Variants in CLTCL1 observed in about 807,000 individuals in gnomAD.
The protein encoded by CLTCL1 is clathrin heavy chain 2.
A neutral mutation model predicts 190.0 loss-of-function variants in CLTCL1; 159 were observed. The observed-to-expected ratio is 0.84, with a 90% CI of 0.74 to 0.95. CLTCL1 has a LOEUF of 0.95. CLTCL1 is among the 40% of genes least tolerant of loss of function. The pLI is 0.00. For missense variants in CLTCL1, 1,878 were observed against 2,033.4 expected, an observed-to-expected ratio of 0.92 and a Z score of 1.47; for synonymous variants, 752 against 769.6, an observed-to-expected ratio of 0.98 and a Z score of 0.38.
chr22:19,187,799 G>A, intron 28 of CLTCL1, 71 bp from the exon 29 acceptor site: 2 of 1,513,862 alleles, frequency 1.3e-6, no homozygotes, highest in Non-Finnish European at 1.8e-6. Flanking sequence ...CAGGCACCTT[G>A]TGTTACTTGA....
At chr22:19,228,637 T>G (rs1339590561) in intron 11 of CLTCL1, among the ~76,000 whole-genome samples, 2 of 152,286 alleles carry the variant, frequency 1.3e-5, no homozygotes, top group Admixed American at 1.3e-4. Context: ...ATATGTTGTT[T>G]CCTAATTATA....
intron 2 of CLTCL1, among the ~76,000 whole-genome samples, chr22:19,259,735 C>T (rs1555974619): frequency 6.6e-6 from 1 of 152,036 alleles, no homozygotes; most frequent in Non-Finnish European, 1.5e-5. Context: ...CCCTGAGACA[C>T]AACAATATTG....
intron 22 of CLTCL1, among the ~76,000 whole-genome samples, chr22:19,204,774 T>C (rs2085000090): frequency 6.6e-6 from 1 of 152,146 alleles, no homozygotes; most frequent in African/African-American, 2.4e-5. Context: ...GTGGGAAACA[T>C]ACACAAACCA....
At chr22:19,207,775 T>C in intron 22 of CLTCL1, 1 of 562,178 alleles carries the variant, frequency 1.8e-6, no homozygotes, top group Non-Finnish European at 3.2e-6. Context: ...AACCCTATTG[T>C]GAACAGCACA....
chr22:19,195,866 A>C (rs1195250500), intron 26 of CLTCL1, among the ~76,000 whole-genome samples: 1 of 152,122 alleles, frequency 6.6e-6, no homozygotes, highest in Non-Finnish European at 1.5e-5. Flanking sequence ...CTAAAAAAAA[A>C]AAAGGTCCGA....
chr22:19,222,396 C>A (rs1382217305), intron 15 of CLTCL1, among the ~76,000 whole-genome samples: 1 of 152,182 alleles, frequency 6.6e-6, no homozygotes, highest in African/African-American at 2.4e-5. Context: ...TGTGAGGGCA[C>A]AGCCAGGAGG....
intron 4 of CLTCL1, among the ~76,000 whole-genome samples, chr22:19,241,251 G>A (rs549254045): frequency 2.5e-4 from 38 of 152,334 alleles, no homozygotes; most frequent in Middle Eastern, 6.8e-3. Flanking sequence ...ACAGAGCCCC[G>A]CTCTGGGAAG....
At chr22:19,213,990 C>G (rs1423298763) in intron 19 of CLTCL1, among the ~76,000 whole-genome samples, 1 of 152,176 alleles carries the variant, frequency 6.6e-6, no homozygotes, top group African/African-American at 2.4e-5. Context: ...CATCCATGTA[C>G]AGTGTTCATT....
At chr22:19,255,924 A>C (rs2086734116) in intron 2 of CLTCL1, among the ~76,000 whole-genome samples, 1 of 152,024 alleles carries the variant, frequency 6.6e-6, no homozygotes, top group South Asian at 2.1e-4. Context: ...AAAAAAAAAA[A>C]AAAATTCATA....
Position 19,235,695 on chromosome 22 carries a change from C to A in CLTCL1, c.969+1G>T, listed in dbSNP as rs377378141. On this transcript the variant is annotated splice_donor_variant, in intron 6 of 32. Transcript: ENST00000427926. LOFTEE classifies it high-confidence loss of function. ...GAAAATGAAATGTCAGAGTTACACACCTGTCCCTTTTTGTTGACACCAATA... is the reference window on the plus strand; with the variant it reads ...GAAAATGAAATGTCAGAGTTACACAACTGTCCCTTTTTGTTGACACCAATA... The A allele has an allele frequency of 1.2e-6, 2 of 1,612,044 alleles. No individual in the cohort carries two copies. The highest frequency in any genetic ancestry group is 2.7e-5 in the African/African-American group (2 of 74,878).
At chr22:19,191,483 A>AC (rs2084504205) in intron 26 of CLTCL1, 48 bp from the exon 27 acceptor site, 1 of 1,599,468 alleles carries the variant, frequency 6.3e-7, no homozygotes, top group African/African-American at 1.3e-5. Flanking sequence ...GTCTCCAGAT[A>AC]CCCCAGGGCT....
intron 2 of CLTCL1, among the ~76,000 whole-genome samples, chr22:19,269,943 AAATT>A (rs2087251264): frequency 2.7e-5 from 4 of 150,082 alleles, no homozygotes; most frequent in African/African-American, 9.9e-5. Context: ...ACTTAAAGTA[AAATT>A]AAAAAAAAAA....
At chr22:19,199,680 G>A (rs1385532075) in intron 24 of CLTCL1, 54 bp downstream of exon 24, 6 of 1,365,768 alleles carry the variant, frequency 4.4e-6, no homozygotes, top group Non-Finnish European at 6.1e-6. Context: ...CCTCTCTGTG[G>A]AGTGTTTAGG....
rs573773131 is a variant in CLTCL1 at position 19,243,761 on chromosome 22, G to A, written c.520-825C>T. Reference sequence around the variant, plus strand: ...CACCCAGGCTGGAGTGCAGTGGCGTGATCTCGGCTCACTGCAAGCTTCGCC... The same window carrying A: ...CACCCAGGCTGGAGTGCAGTGGCGTAATCTCGGCTCACTGCAAGCTTCGCC... On this transcript the variant is annotated intron_variant, in intron 3 of 32. Coordinates refer to ENST00000427926, the MANE Select transcript of CLTCL1 (RefSeq NM_007098.4). Among the ~76,000 whole-genome samples the A allele has an allele frequency of 8.8e-5, 12 of 136,186 alleles. No individual in the cohort carries two copies. In the East Asian group the frequency reaches 2.6e-3, roughly 29 times the overall value. The allele number at this position is 136,186 out of a possible 152,430, so 89.3% of individuals were successfully genotyped here.
intron 29 of CLTCL1, chr22:19,183,901 G>A (rs531897346): frequency 7.8e-5 from 36 of 459,780 alleles, no homozygotes; most frequent in African/African-American, 6.9e-4. Flanking sequence ...AGGCTGCTCT[G>A]AGGAAGGCAC....
In CLTCL1 at chr22:19,282,440, C is replaced by T. The variant is rs2146350374; in HGVS notation, c.43-6610G>A. On this transcript the variant is annotated intron_variant, in intron 1 of 32. Coordinates refer to ENST00000427926, the MANE Select transcript of CLTCL1 (RefSeq NM_007098.4). ...ATCACTTGAGATCAGGAGTTCAAGA[C>T]CAGCCTGGCCAACATGGTGAAACCC... 1.3e-5 allele frequency among the ~76,000 whole-genome samples: 2 copies of T among 151,722 alleles called. 1 individual carries two copies. Among genetic ancestry groups the T allele is most frequent in the South Asian group, 4.2e-4 (2 of 4,804 alleles).
chr22:19,282,959 C>T (rs782454680), intron 1 of CLTCL1, among the ~76,000 whole-genome samples: 23 of 151,086 alleles, frequency 1.5e-4, no homozygotes, highest in Non-Finnish European at 2.9e-4. Context: ...GCAACCTCTG[C>T]CTCCCCAGTT....
chr22:19,191,561 A>C (rs1285786016), intron 26 of CLTCL1, 126 bp from the exon 27 acceptor site: 22 of 1,143,714 alleles, frequency 1.9e-5, no homozygotes, highest in Non-Finnish European at 2.6e-5. Flanking sequence ...TATAAGACTC[A>C]ATGGCCTGTG....
chr22:19,277,353 G>C (rs1314431636), intron 1 of CLTCL1, among the ~76,000 whole-genome samples: 1 of 152,122 alleles, frequency 6.6e-6, no homozygotes, highest in Non-Finnish European at 1.5e-5. Context: ...AAATCTTTCA[G>C]AAATTACAAA....
Sources: allele counts gnomAD v4.1 joint callset (sites outside exome capture counted in the v4.1 genomes callset), GRCh38; gene constraint gnomAD v4.1.1; transcripts MANE v1.5; gene names NCBI Gene and HGNC (gene_info 2026-07-23, HGNC 2026-07-21).